Variants in KCNT1 observed in about 807,000 individuals in gnomAD.
KCNT1 encodes the protein potassium sodium-activated channel subfamily T member 1.
A neutral mutation model predicts 147.8 loss-of-function variants in KCNT1; 78 were observed. The observed-to-expected ratio is 0.53, with a 90% CI of 0.44 to 0.64. The LOEUF is 0.64. KCNT1 is among the 30% of genes least tolerant of loss of function. The pLI is 0.00. For missense variants in KCNT1, 1,419 were observed against 1,750.3 expected (o/e 0.81, Z 3.38); for synonymous variants, 867 against 748.8 (o/e 1.16, Z -2.58).
intron 2 of KCNT1, among the ~76,000 whole-genome samples, chr9:135,747,105 G>A (rs1830870293): frequency 6.6e-6 from 1 of 152,104 alleles, no homozygotes; most frequent in Non-Finnish European, 1.5e-5. Flanking sequence ...TGGGAGAGAG[G>A]CACCTGTGGC....
chr9:135,779,617 C>T lies in KCNT1; in HGVS notation c.2841+147C>T, dbSNP rs886663387. 1.7e-5 allele frequency: 11 copies of T among 647,146 alleles called. No homozygotes were observed. The Admixed American group carries it at 2.3e-4, about 14-fold the overall frequency. The allele number at this position is 647,146 out of a possible 1,614,324, so 40.1% of individuals were successfully genotyped here. ...GGAACTCAGGAGATGGCGTGGGGGG[C>T]CCAGCATGGACAGGGTGCTCTTGAT... On this transcript the variant is annotated intron_variant, in intron 24 of 30. Coordinates refer to ENST00000371757, the MANE Select transcript of KCNT1 (RefSeq NM_020822.3).
intron 3 of KCNT1, 142 bp from the exon 4 acceptor site, chr9:135,750,800 C>A: frequency 1.4e-6 from 1 of 724,516 alleles, no homozygotes. Flanking sequence ...ACGCAGGGCA[C>A]ACAGAGCTCT....
At position 135,747,667 on chromosome 9, in the gene KCNT1, G is replaced by T. The variant is rs534770782; in HGVS notation, c.255-2431G>T. 2.0e-5 allele frequency among the ~76,000 whole-genome samples: 3 copies of T among 152,282 alleles called. No homozygotes were observed. The South Asian group carries it at 6.2e-4, about 32-fold the overall frequency. On this transcript the variant is annotated intron_variant, in intron 2 of 30. Transcript: ENST00000371757. ...GGAGAGGCGTGGGGCAGGAGGAGGG[G>T]CTGAGGGACACAGCAGAGCTGGCTA...
In KCNT1 at chr9:135,765,163, C is replaced by A; in HGVS notation, c.1168C>A (p.Leu390Met). The A allele has an allele frequency of 6.2e-7, 1 of 1,613,158 alleles. No homozygotes were observed. The highest frequency in any genetic ancestry group is 8.5e-7 in the Non-Finnish European group (1 of 1,179,636). ...SLKIDLLMDF[L>M]NEFYAHPRLQ... ...CAAGATCGACCTTCTCATGGACTTC[C>A]TGAACGAGTTCTACGCCCACCCCCG... is the stretch of plus-strand genomic sequence containing the variant. The change falls in exon 12 of 31, where the codon CTG (leucine) becomes ATG (methionine). Residue 390 changes from leucine to methionine, a missense_variant. Transcript: ENST00000371757.
intron 22 of KCNT1, 44 bp downstream of exon 22, chr9:135,778,539 C>G: frequency 6.2e-7 from 1 of 1,601,850 alleles, no homozygotes; most frequent in South Asian, 1.1e-5. Context: ...CCACACCCAC[C>G]CCTCCCCTCC....
intron 2 of KCNT1, among the ~76,000 whole-genome samples, chr9:135,720,906 C>T (rs546396042): frequency 6.6e-6 from 1 of 152,242 alleles, no homozygotes; most frequent in African/African-American, 2.4e-5. Flanking sequence ...GTGACAGACT[C>T]AGGTGTAGCT....
intron 2 of KCNT1, among the ~76,000 whole-genome samples, chr9:135,727,595 C>A (rs889903743): frequency 6.6e-6 from 1 of 152,120 alleles, no homozygotes; most frequent in Non-Finnish European, 1.5e-5. Flanking sequence ...GAGAGGAGGA[C>A]CTCTTCCATG....
intron 20 of KCNT1, among the ~76,000 whole-genome samples, chr9:135,775,811 T>G (rs1833128655): frequency 6.6e-6 from 1 of 152,208 alleles, no homozygotes; most frequent in African/African-American, 2.4e-5. Context: ...AAGTTCAGAT[T>G]GGGCCGAGGG....
At position 135,752,952 on chromosome 9, in the gene KCNT1, T is replaced by C. The variant is rs1470935447; in HGVS notation, c.435-985T>C. Among the ~76,000 whole-genome samples the C allele has an allele frequency of 2.0e-4, 29 of 145,014 alleles. No individual in the cohort carries two copies. In the East Asian group the frequency reaches 4.2e-3, roughly 21 times the overall value. ...ATGGATGGACAGATAAGTAGATGGA[T>C]AGATGGATGAGTGGATGGATGATGA... On this transcript the variant is annotated intron_variant, in intron 4 of 30. Transcript: ENST00000371757. The surrounding 1 kb of genome is among the most constrained non-coding windows in gnomAD (Gnocchi z 5.1).
At chr9:135,758,806 A>G (rs1178782071) in intron 10 of KCNT1, among the ~76,000 whole-genome samples, 1 of 152,214 alleles carries the variant, frequency 6.6e-6, no homozygotes, top group Non-Finnish European at 1.5e-5. Context: ...CCCCTAGGCC[A>G]GGTGGGGTCT....
chr9:135,769,436 G>A (rs111749221), intron 15 of KCNT1, among the ~76,000 whole-genome samples: 42 of 152,288 alleles, frequency 2.8e-4, no homozygotes, highest in African/African-American at 9.9e-4. Context: ...TGGAGGGGAC[G>A]GCAGACCCCC....
chr9:135,787,741 C>T (rs1483508007), intron 29 of KCNT1, among the ~76,000 whole-genome samples: 1 of 152,202 alleles, frequency 6.6e-6, no homozygotes, highest in African/African-American at 2.4e-5. Flanking sequence ...TTGAAGCTTC[C>T]CTCCATCCCC....
chr9:135,775,694 T>C (rs1243656080), intron 20 of KCNT1, among the ~76,000 whole-genome samples: 2 of 152,108 alleles, frequency 1.3e-5, no homozygotes, highest in Admixed American at 1.3e-4. Context: ...CCACACCCCT[T>C]TCCCCTAATA....
Position 135,784,552 on chromosome 9 carries a change from C to A in KCNT1, c.2961C>A (p.Tyr987Ter). Residue 987 changes from tyrosine to a stop codon, truncating the protein, a stop_gained, in exon 26 of 31, where the codon TAC (tyrosine) becomes TAA (stop). Transcript: ENST00000371757. LOFTEE classifies it high-confidence loss of function. The stretch of plus-strand genomic sequence containing the variant: ...CTGGCCAGTCCTTCGTGAAGGACTA[C>A]ATGATCACCATCACCCGGCTGCTGC... The part of the protein sequence containing the change: ...TLLYQSFVKD[Y>*]MITITRLLLG... 1 of 1,396,368 alleles carries A rather than the reference C, an allele frequency of 7.2e-7. No homozygotes were observed. The highest frequency in any genetic ancestry group is 9.5e-7 in the Non-Finnish European group (1 of 1,050,948). 86.5% of individuals were successfully genotyped at this position (1,396,368 alleles called of 1,614,324 possible). A position where few individuals can be genotyped will look rare whatever the true frequency, so the allele number is the denominator to read the frequency against.
In KCNT1 at chr9:135,751,050, C is replaced by T. The variant is rs1564345084; in HGVS notation, c.434+9C>T. On this transcript the variant is annotated intron_variant, in intron 4 of 30. Transcript: ENST00000371757. The stretch of plus-strand genomic sequence containing the variant: ...GCCCTGGGCATCGGATGGTGGGCCA[C>T]GTGCGCGGCCGGGCGCGGGGTCCCG... 4.4e-6 allele frequency: 7 copies of T among 1,607,524 alleles called. No individual in the cohort carries two copies. The highest frequency in any genetic ancestry group is 5.9e-6 in the Non-Finnish European group (7 of 1,178,990).
chr9:135,720,391 CG>C (rs11306376), intron 2 of KCNT1, among the ~76,000 whole-genome samples: 68,300 of 151,714 alleles, frequency 0.45, 15,517 homozygotes, highest in East Asian at 0.6. Context: ...CTCAGCTGGT[CG>C]GGGAAGTGCC....
chr9:135,702,302 G>A lies in KCNT1; in HGVS notation c.44G>A (p.Arg15Gln), dbSNP rs373446490. The A allele has an allele frequency of 1.2e-6, 2 of 1,609,818 alleles. No individual in the cohort carries two copies. The highest frequency in any genetic ancestry group is 1.7e-4 in the Middle Eastern group (1 of 6,022). The change falls in exon 1 of 31, where the codon CGG becomes CAG. Residue 15 changes from arginine (R) to glutamine (Q), a missense_variant. Arg to Gln is a conservative substitution (Grantham distance 43). Coordinates refer to ENST00000371757, the MANE Select transcript of KCNT1 (RefSeq NM_020822.3). ...GCGCGGACCCCGGGGGGCGTCTGCC[G>A]GGAGGCGCGCGGCGGGGGCTACACC... ...DGARTPGGVCREARGGGYTNR... is the reference protein window; with the variant it reads ...DGARTPGGVCQEARGGGYTNR...
intron 2 of KCNT1, among the ~76,000 whole-genome samples, chr9:135,727,760 G>A (rs902286127): frequency 2.0e-5 from 3 of 152,250 alleles, no homozygotes; most frequent in Non-Finnish European, 4.4e-5. Context: ...CAGAGGTGGG[G>A]CCCACAGGGG....
chr9:135,737,412 C>T (rs1830388133), intron 2 of KCNT1, among the ~76,000 whole-genome samples: 1 of 152,124 alleles, frequency 6.6e-6, no homozygotes, highest in African/African-American at 2.4e-5. Context: ...ACCAAGGCCT[C>T]ATCTGCAGCA....
Sources: allele counts gnomAD v4.1 joint callset (sites outside exome capture counted in the v4.1 genomes callset), GRCh38; gene constraint gnomAD v4.1.1; non-coding constraint Gnocchi (gnomAD v3.1); transcripts MANE v1.5; gene names NCBI Gene and HGNC (gene_info 2026-07-23, HGNC 2026-07-21).